The following SPTBN2 variants were observed in gnomAD, a reference collection of about 807,000 sequenced individuals.
SPTBN2 encodes spectrin beta, non-erythrocytic 2, also known as spectrin beta chain, non-erythrocytic 2.
SPTBN2 carries 107 observed loss-of-function variants against 284.2 expected under a neutral mutation model. The observed-to-expected ratio is 0.38, with a 90% CI of 0.32 to 0.44. The LOEUF (loss-of-function observed/expected upper bound fraction) is 0.44, where lower values mean the gene tolerates loss of function less well. SPTBN2 is among the 20% of genes least tolerant of loss of function. SPTBN2 has a pLI of 1.00. For missense variants in SPTBN2, 2,569 were observed against 3,287.1 expected (o/e 0.78, Z 5.34); for synonymous variants, 1,289 against 1,354.8 (o/e 0.95, Z 1.07).
chr11:66,725,576 G>A (rs771753127), intron 1 of SPTBN2, among the ~76,000 whole-genome samples: 2 of 152,100 alleles, frequency 1.3e-5, no homozygotes, highest in African/African-American at 2.4e-5. Context: ...ATCCTCAATC[G>A]TCCTCTCTTC....
chr11:66,696,524 G>A lies in SPTBN2; in HGVS notation c.4031C>T (p.Thr1344Ile), dbSNP rs1423031098. 1 of 1,611,722 alleles carries A rather than the reference G, an allele frequency of 6.2e-7. No homozygotes were observed. Among genetic ancestry groups the A allele is most frequent in the South Asian group, 1.1e-5 (1 of 91,092 alleles). The part of the protein sequence containing the change: ...DKVDKEGREL[T>I]LEKPELKALV... ...GGCTTTCAGCTCTGGCTTCTCAAGG[G>A]TGAGCTCTCGCCCTTCCTGGAAGGC... is the stretch of plus-strand genomic sequence containing the variant. Residue 1344 changes from threonine to isoleucine, a missense_variant, in exon 21 of 38, where the codon ACC becomes ATC. Physicochemically the swap from Thr to Ile is moderately conservative, Grantham distance 89 (BLOSUM62 -1). Coordinates refer to ENST00000533211, the MANE Select transcript of SPTBN2 (RefSeq NM_006946.4).
intron 1 of SPTBN2, among the ~76,000 whole-genome samples, chr11:66,744,222 G>C (rs1413857021): frequency 2.0e-5 from 3 of 152,192 alleles, no homozygotes; most frequent in Admixed American, 6.5e-5. Context: ...AAATTGCCGA[G>C]ATATGTGTAT....
chr11:66,721,058 C>A (rs754262200), intron 3 of SPTBN2, 26 bp downstream of exon 3: 2 of 1,614,092 alleles, frequency 1.2e-6, no homozygotes, highest in South Asian at 1.1e-5. Context: ...CAGCATCCCC[C>A]CACCTCGACC....
At chr11:66,694,915 A>G (rs888558890) in intron 21 of SPTBN2, among the ~76,000 whole-genome samples, 3 of 152,156 alleles carry the variant, frequency 2.0e-5, no homozygotes, top group Admixed American at 6.6e-5. Flanking sequence ...TTCCTCCTAC[A>G]GCAAAACTGT....
Position 66,708,402 on chromosome 11 carries a change from G to A in SPTBN2, c.1192-103C>T, listed in dbSNP as rs1014328883. 21 of 1,167,106 alleles carry A rather than the reference G, an allele frequency of 1.8e-5. No individual in the cohort carries two copies. Among genetic ancestry groups the A allele is most frequent in the Admixed American group, 1.1e-4 (4 of 35,450 alleles). The allele number at this position is 1,167,106 out of a possible 1,614,324, so 72.3% of individuals were successfully genotyped here. ...CATGGAAGCTCGGTCTGGTGGATCC[G>A]TGGAATGCAGTGGGTGAGACGCCTG... On this transcript the variant is annotated intron_variant, in intron 11 of 37. Coordinates refer to ENST00000533211, the MANE Select transcript of SPTBN2 (RefSeq NM_006946.4). The surrounding 1 kb of genome is among the most constrained non-coding windows in gnomAD (Gnocchi z 4.4).
Position 66,693,043 on chromosome 11 carries a change from C to T in SPTBN2, c.4912G>A (p.Ala1638Thr). The change falls in exon 25 of 38, where the codon GCC becomes ACC. Residue 1638 changes from alanine (A) to threonine (T), a missense_variant. Ala to Thr is a moderately conservative substitution (Grantham distance 58). Around this residue, in one of 6 missense-constraint regions of SPTBN2, gnomAD observed 1,130 missense variants for 1,317.3 expected, o/e 0.86. Coordinates refer to ENST00000533211, the MANE Select transcript of SPTBN2 (RefSeq NM_006946.4). This position sits in a 1 kb window ranked among gnomAD's most constrained non-coding sequence, Gnocchi z 5.7. Reference sequence around the variant, plus strand: ...TGGTGGATGGTCTGCGCGTAGTCGGCCAGGGCTTGCTCCAGCACCTGGTGC... The same window carrying T: ...TGGTGGATGGTCTGCGCGTAGTCGGTCAGGGCTTGCTCCAGCACCTGGTGC... ...KKHQVLEQAL[A>T]DYAQTIHQLA... The T allele has an allele frequency of 1.2e-6, 2 of 1,613,712 alleles. No homozygotes were observed. Among genetic ancestry groups the T allele is most frequent in the Non-Finnish European group, 1.7e-6 (2 of 1,180,038 alleles).
At position 66,710,978 on chromosome 11, in the gene SPTBN2, G is replaced by A. The variant is rs769752380; in HGVS notation, c.824C>T (p.Thr275Ile). 6.2e-7 allele frequency: 1 copy of A among 1,614,232 alleles called. No homozygotes were observed. Among genetic ancestry groups the A allele is most frequent in the Non-Finnish European group, 8.5e-7 (1 of 1,180,044 alleles). The change falls in exon 9 of 38, where the codon ACT (threonine) becomes ATT (isoleucine). Residue 275 changes from threonine (T) to isoleucine (I), a missense_variant. Physicochemically the swap from Thr to Ile is moderately conservative, Grantham distance 89. This residue lies in a region of SPTBN2 where 304 missense variants were observed against 522.1 expected (regional missense o/e 0.58). Transcript: ENST00000533211. This position sits in a 1 kb window ranked among gnomAD's most constrained non-coding sequence, Gnocchi z 4.9. ...DEKSIITYVATYYHYFSKMKA... is the reference protein window; with the variant it reads ...DEKSIITYVAIYYHYFSKMKA... ...CATCTTGGAGAAGTAATGGTAGTAAGTAGCCACATAGGTAATGATTGACTT... is the reference window on the plus strand; with the variant it reads ...CATCTTGGAGAAGTAATGGTAGTAAATAGCCACATAGGTAATGATTGACTT...
rs1439849422 is a variant in SPTBN2, at chr11:66,727,926, TC to T, written c.-114+814del. 6 of 149,664 alleles carry T rather than the reference TC, an allele frequency of 4.0e-5. No homozygotes were observed. In the East Asian group the frequency reaches 9.9e-4, roughly 25 times the overall value. 9.3% of individuals were successfully genotyped at this position (149,664 alleles called of 1,614,324 possible). On this transcript the variant is annotated intron_variant, in intron 1 of 37. Coordinates refer to ENST00000533211, the MANE Select transcript of SPTBN2 (RefSeq NM_006946.4). Reference sequence around the variant, plus strand: ...AACTGTTCCAGACTCTTCTCCCGGCTCCAGAGAGGCCCGAGTCCCCCCCCCT... The same window carrying T: ...AACTGTTCCAGACTCTTCTCCCGGCTCAGAGAGGCCCGAGTCCCCCCCCCT...
upstream of SPTBN2, among the ~76,000 whole-genome samples, chr11:66,732,651 CAAAAAAA>C (rs58620927): frequency 1.3e-5 from 1 of 75,814 alleles, no homozygotes; most frequent in Non-Finnish European, 2.5e-5. Context: ...CTCTGTCTCT[CAAAAAAA>C]AAAAAAAAAA....
At chr11:66,741,785 G>A (rs975961640) in intron 1 of SPTBN2, among the ~76,000 whole-genome samples, 1 of 152,044 alleles carries the variant, frequency 6.6e-6, no homozygotes, top group Non-Finnish European at 1.5e-5. Context: ...ACATTCTAGT[G>A]TTCTGAGGAT....
In SPTBN2 at chr11:66,715,699, C is replaced by T. The variant is rs949540888; in HGVS notation, c.309+131G>A. The T allele has an allele frequency of 1.0e-5, 13 of 1,298,198 alleles. No homozygotes were observed. The African/African-American group carries it at 1.5e-4, about 15-fold the overall frequency. The allele number at this position is 1,298,198 out of a possible 1,614,324, so 80.4% of individuals were successfully genotyped here. ...AGTGGCAAAGGCACTTGAAATGAAC[C>T]CATCCTCTGAGCAGAGGGAGCCACT... is the stretch of plus-strand genomic sequence containing the variant. On this transcript the variant is annotated intron_variant, in intron 4 of 37. Coordinates refer to ENST00000533211, the MANE Select transcript of SPTBN2 (RefSeq NM_006946.4). This position sits in a 1 kb window ranked among gnomAD's most constrained non-coding sequence, Gnocchi z 5.3.
At chr11:66,721,056 C>T (rs1341147394) in intron 3 of SPTBN2, 28 bp downstream of exon 3, 5 of 1,613,982 alleles carry the variant, frequency 3.1e-6, no homozygotes, top group Admixed American at 1.7e-5. Flanking sequence ...TCCAGCATCC[C>T]CCCACCTCGA....
intron 1 of SPTBN2, among the ~76,000 whole-genome samples, chr11:66,744,125 T>C (rs1176169151): frequency 6.6e-6 from 1 of 152,144 alleles, no homozygotes; most frequent in African/African-American, 2.4e-5. Flanking sequence ...CCTCCAAAAG[T>C]GCTGGGATGA....
chr11:66,725,055 T>A (rs1423029759), intron 1 of SPTBN2, among the ~76,000 whole-genome samples: 1 of 152,230 alleles, frequency 6.6e-6, no homozygotes, highest in Admixed American at 6.5e-5. Context: ...TAGAACCTCC[T>A]CTTCCCCCAA....
rs762864008 is a variant in SPTBN2, at chr11:66,690,239, G to A, written c.5610C>T (p.Tyr1870=). Residue 1870 remains tyrosine, a synonymous_variant, in exon 28 of 38, where the codon TAC becomes TAT. Transcript: ENST00000533211. ...CGATCTCCTCAGCCTTGTCTCCAGC[G>A]TAGGCCTTCTGGAGCCGGTGGCCGT... ...QDDGHRLQKA[Y]AGDKAEEIGR... The A allele has an allele frequency of 1.8e-5, 29 of 1,612,830 alleles. No homozygotes were observed. Among genetic ancestry groups the A allele is most frequent in the Middle Eastern group, 1.7e-4 (1 of 6,050 alleles).
At chr11:66,732,212 TA>T (rs1306790607), upstream of SPTBN2, among the ~76,000 whole-genome samples, 2 of 152,324 alleles carry the variant, frequency 1.3e-5, no homozygotes, top group East Asian at 3.9e-4. Flanking sequence ...ATTGAGAGAT[TA>T]AGTACCTTAC....
At position 66,692,543 on chromosome 11, in the gene SPTBN2, T is replaced by C. The variant is rs1246975169; in HGVS notation, c.5183A>G (p.His1728Arg). ...ASHELGQDYE[H>R]VTMLRDKFRE... ...TGCCCTCCCTACACTCACAGTCACA[T>C]GCTCGTAGTCCTGGCCCAGCTCGTG... The change falls in exon 26 of 38, where the codon CAT becomes CGT. Residue 1728 changes from histidine (H) to arginine (R), a missense_variant. Physicochemically the swap from His to Arg is conservative, Grantham distance 29. Coordinates refer to ENST00000533211, the MANE Select transcript of SPTBN2 (RefSeq NM_006946.4). The C allele has an allele frequency of 6.2e-7, 1 of 1,602,754 alleles. No individual in the cohort carries two copies. Among genetic ancestry groups the C allele is most frequent in the Non-Finnish European group, 8.5e-7 (1 of 1,179,934 alleles).
rs1468416271 is a variant in SPTBN2, at chr11:66,715,801, C to A, written c.309+29G>T. The A allele has an allele frequency of 1.2e-6, 2 of 1,612,820 alleles. No homozygotes were observed. The highest frequency in any genetic ancestry group is 4.5e-5 in the East Asian group (2 of 44,830). On this transcript the variant is annotated intron_variant, in intron 4 of 37. Transcript: ENST00000533211. This position sits in a 1 kb window ranked among gnomAD's most constrained non-coding sequence, Gnocchi z 5.3. ...CCCCTTGGACACTTTTCTAAGGCCC[C>A]CCCACTTCCCTTCATGACCACAGCT...
rs1433635952 is a variant in SPTBN2 at position 66,683,677 on chromosome 11, T to C, written c.*2194A>G. Among the ~76,000 whole-genome samples, 1 of 152,264 alleles carries C rather than the reference T, an allele frequency of 6.6e-6. No individual in the cohort carries two copies. The highest frequency in any genetic ancestry group is 1.5e-5 in the Non-Finnish European group (1 of 68,046). ...ACAATGCCTGCCCCTACTGCAGGAC[T>C]GCTTCAATTGGCTGTCCTATTTACA... On this transcript the variant is annotated 3_prime_UTR_variant, in exon 38 of 38. Transcript: ENST00000533211.
Sources: allele counts gnomAD v4.1 joint callset (sites outside exome capture counted in the v4.1 genomes callset), GRCh38; gene constraint gnomAD v4.1.1; regional missense constraint gnomAD v4.1.1; non-coding constraint Gnocchi (gnomAD v3.1); transcripts MANE v1.5; gene names NCBI Gene and HGNC (gene_info 2026-07-23, HGNC 2026-07-21).